The following CABCOCO1 variants were observed in gnomAD, a reference collection of about 807,000 sequenced individuals.
CABCOCO1 encodes ciliary-associated calcium-binding coiled-coil protein 1.
Under a neutral mutation model 35.7 loss-of-function variants are expected in CABCOCO1, and 28 were observed. The observed-to-expected ratio is 0.78, with a 90% CI of 0.58 to 1.07. The LOEUF (loss-of-function observed/expected upper bound fraction) is 1.07, where lower values mean the gene tolerates loss of function less well. Ranked by LOEUF, CABCOCO1 falls within the 50% of genes least tolerant of loss-of-function variation. The probability of loss-of-function intolerance (pLI) is 0.00; values close to 1 mark genes in which losing one functional copy is unlikely to be tolerated. For missense variants in CABCOCO1, 326 were observed against 309.2 expected (o/e 1.05, Z -0.41); for synonymous variants, 95 against 100.1 (o/e 0.95, Z 0.30).
At chr10:61,704,075 T>C (rs1420604684) in intron 5 of CABCOCO1, among the ~76,000 whole-genome samples, 2 of 150,862 alleles carry the variant, frequency 1.3e-5, no homozygotes, top group Admixed American at 1.3e-4. Flanking sequence ...AAAAAAAAAA[T>C]TAGCTGGGCG....
At chr10:61,708,734 C>G (rs972318097) in intron 5 of CABCOCO1, among the ~76,000 whole-genome samples, 1 of 152,130 alleles carries the variant, frequency 6.6e-6, no homozygotes, top group Non-Finnish European at 1.5e-5. Flanking sequence ...TTCAACATAT[C>G]AATGTTGGGG....
intron 3 of CABCOCO1, 143 bp downstream of exon 3, chr10:61,681,455 CTATCTCCA>C (rs1839790147): frequency 1.7e-6 from 1 of 574,844 alleles, no homozygotes; most frequent in Admixed American, 3.9e-5. Flanking sequence ...TACATAGTTC[CTATCTCCA>C]TTGAGTTATA....
intron 5 of CABCOCO1, among the ~76,000 whole-genome samples, chr10:61,702,518 C>A (rs1427223663): frequency 6.6e-6 from 1 of 152,004 alleles, no homozygotes; most frequent in Non-Finnish European, 1.5e-5. Flanking sequence ...ATATAGCTGG[C>A]TCTATCTTGG....
intron 1 of CABCOCO1, among the ~76,000 whole-genome samples, chr10:61,667,610 C>A (rs1839230057): frequency 6.6e-6 from 1 of 151,730 alleles, no homozygotes; most frequent in Non-Finnish European, 1.5e-5. Context: ...AGATACTATA[C>A]CTTTCTCATC....
At chr10:61,685,174 A>G (rs1839918639) in intron 3 of CABCOCO1, 1 of 152,232 alleles carries the variant, frequency 6.6e-6, no homozygotes, top group East Asian at 1.9e-4. Flanking sequence ...AAAGAAAAAA[A>G]AACTTGATGT....
At chr10:61,665,613 C>A (rs144144988) in intron 1 of CABCOCO1, among the ~76,000 whole-genome samples, 3,939 of 152,132 alleles carry the variant, frequency 0.026, 162 homozygotes, top group African/African-American at 0.09. Context: ...GAAGGCCGGG[C>A]GCGGTGGCTC....
chr10:61,718,318 AGGAGGCAGATTAGG>A (rs1840917149), intron 5 of CABCOCO1, among the ~76,000 whole-genome samples: 1 of 152,192 alleles, frequency 6.6e-6, no homozygotes, highest in Non-Finnish European at 1.5e-5. Flanking sequence ...AGTCAGGGTC[AGGAGGCAGATTAGG>A]GCTACAGTGT....
intron 5 of CABCOCO1, among the ~76,000 whole-genome samples, chr10:61,728,360 T>C (rs1159687848): frequency 2.0e-5 from 3 of 152,186 alleles, no homozygotes; most frequent in Non-Finnish European, 4.4e-5. Context: ...TATGGAATTG[T>C]GGAGACAGAG....
intron 5 of CABCOCO1, among the ~76,000 whole-genome samples, chr10:61,737,027 C>G (rs1226683072): frequency 6.6e-6 from 1 of 152,044 alleles, no homozygotes; most frequent in African/African-American, 2.4e-5. Context: ...TGATTATCAG[C>G]TGAAGGAGCT....
At chr10:61,739,246 A>G (rs1841492163) in intron 5 of CABCOCO1, among the ~76,000 whole-genome samples, 1 of 152,198 alleles carries the variant, frequency 6.6e-6, no homozygotes, top group East Asian at 1.9e-4. Context: ...CTTGCTCGAG[A>G]GGTTGAGAAT....
At chr10:61,763,971 T>C (rs1322280830) in intron 7 of CABCOCO1, among the ~76,000 whole-genome samples, 2 of 152,046 alleles carry the variant, frequency 1.3e-5, no homozygotes. Context: ...GCCTAAGGTC[T>C]GGAGATCTGA....
intron 5 of CABCOCO1, among the ~76,000 whole-genome samples, chr10:61,700,793 T>C (rs563893222): frequency 4.1e-4 from 63 of 152,192 alleles, no homozygotes; most frequent in African/African-American, 1.5e-3. Flanking sequence ...TATAATTCTA[T>C]CATCAAGAGT....
intron 2 of CABCOCO1, among the ~76,000 whole-genome samples, chr10:61,677,998 TA>T (rs964662086): frequency 1.6e-4 from 25 of 152,172 alleles, no homozygotes; most frequent in African/African-American, 5.1e-4. Flanking sequence ...GTCAGAAGTA[TA>T]TTTTTTTAAT....
chr10:61,754,494 T>C (rs920453247), intron 5 of CABCOCO1, among the ~76,000 whole-genome samples: 1 of 152,132 alleles, frequency 6.6e-6, no homozygotes, highest in Non-Finnish European at 1.5e-5. Flanking sequence ...TCTTTCCAAA[T>C]TGTAGTATTG....
At chr10:61,714,065 G>A (rs1379600782) in intron 5 of CABCOCO1, among the ~76,000 whole-genome samples, 1 of 152,108 alleles carries the variant, frequency 6.6e-6, no homozygotes, top group African/African-American at 2.4e-5. Flanking sequence ...CTATTGATTG[G>A]AATAGTTTCA....
chr10:61,723,122 C>T (rs1841062262), intron 5 of CABCOCO1, among the ~76,000 whole-genome samples: 1 of 152,280 alleles, frequency 6.6e-6, no homozygotes, highest in Admixed American at 6.5e-5. Flanking sequence ...AATTCAGCAA[C>T]ACTTTAAAAG....
At chr10:61,764,973 G>T (rs975015993) in intron 7 of CABCOCO1, among the ~76,000 whole-genome samples, 1 of 152,084 alleles carries the variant, frequency 6.6e-6, no homozygotes, top group Admixed American at 6.5e-5. Flanking sequence ...GCTTAAAACA[G>T]TATTTGATTT....
chr10:61,717,583 C>T (rs982279692), intron 5 of CABCOCO1, among the ~76,000 whole-genome samples: 1 of 151,974 alleles, frequency 6.6e-6, no homozygotes, highest in Non-Finnish European at 1.5e-5. Context: ...CAGTACTATG[C>T]TTTATAATGG....
At chr10:61,747,563 C>T (rs1841689885) in intron 5 of CABCOCO1, among the ~76,000 whole-genome samples, 1 of 152,158 alleles carries the variant, frequency 6.6e-6, no homozygotes, top group Admixed American at 6.6e-5. Flanking sequence ...AATGCTGTGG[C>T]TTGGTTTTGC....
Sources: gnomAD v4.1 joint callset for allele counts (sites outside exome capture counted in the v4.1 genomes callset) on GRCh38, gnomAD v4.1.1 for gene constraint, MANE v1.5 for transcripts, NCBI Gene and HGNC (gene_info 2026-07-23, HGNC 2026-07-21) for gene names.